Variants in SNRPN observed in about 807,000 individuals in gnomAD.
The protein encoded by SNRPN is small nuclear ribonucleoprotein-associated protein N.
A neutral mutation model predicts 25.2 loss-of-function variants in SNRPN; 7 were observed. The observed-to-expected ratio is 0.28, with a 90% CI of 0.16 to 0.52. SNRPN has a LOEUF of 0.52. SNRPN is among the 20% of genes least tolerant of loss of function. The probability of loss-of-function intolerance (pLI) is 0.96; values close to 1 mark genes in which losing one functional copy is unlikely to be tolerated. For synonymous variants in SNRPN, 124 were observed against 110.6 expected, an observed-to-expected ratio of 1.12 and a Z score of -0.76; for missense variants, 196 against 322.5, an observed-to-expected ratio of 0.61 and a Z score of 3.00.
intron 2 of SNRPN, among the ~76,000 whole-genome samples, chr15:24,835,254 G>T (rs2051062023): frequency 6.6e-6 from 1 of 150,414 alleles, no homozygotes; most frequent in Admixed American, 6.7e-5. Context: ...ATATAGGCAT[G>T]CTGTTTTTCT....
chr15:24,890,627 C>T (rs61999133), intron 2 of SNRPN, among the ~76,000 whole-genome samples: 20,885 of 151,628 alleles, frequency 0.14, 1,881 homozygotes, highest in Non-Finnish European at 0.18. Context: ...TGCAGTGAGC[C>T]GAGATCGCGC....
chr15:24,902,226 TCAGA>T (rs1009412134), intron 2 of SNRPN, among the ~76,000 whole-genome samples: 1 of 152,128 alleles, frequency 6.6e-6, no homozygotes, highest in Non-Finnish European at 1.5e-5. Flanking sequence ...AATTGGGAAT[TCAGA>T]CAAACAGATA....
intron 3 of SNRPN, among the ~76,000 whole-genome samples, chr15:24,941,449 A>T (rs1266389111): frequency 3.3e-5 from 5 of 152,226 alleles, no homozygotes; most frequent in African/African-American, 4.8e-5. Flanking sequence ...CTCAGCAAGC[A>T]CCACGGCTGG....
At chr15:24,956,355 G>C (rs958229212) in intron 1 of SNRPN, among the ~76,000 whole-genome samples, 1 of 66,050 alleles carries the variant, frequency 1.5e-5, no homozygotes, top group African/African-American at 5.6e-5. Flanking sequence ...GCGCTTCAGC[G>C]GGGGGGTGGC....
At chr15:24,931,733 G>C (rs968185639) in intron 3 of SNRPN, among the ~76,000 whole-genome samples, 2 of 150,530 alleles carry the variant, frequency 1.3e-5, no homozygotes, top group Admixed American at 1.3e-4. Flanking sequence ...AGCTACTCAG[G>C]GGGCTGAGGT....
At chr15:24,828,783 T>C (rs938729249) in intron 1 of SNRPN, among the ~76,000 whole-genome samples, 6 of 151,964 alleles carry the variant, frequency 3.9e-5, no homozygotes, top group African/African-American at 1.5e-4. Flanking sequence ...GCCATACTAA[T>C]GTAGCTGAAT....
intron 1 of SNRPN, among the ~76,000 whole-genome samples, chr15:24,875,329 G>C (rs2055747642): frequency 6.6e-6 from 1 of 152,152 alleles, no homozygotes; most frequent in Non-Finnish European, 1.5e-5. Flanking sequence ...CAGAATCTTT[G>C]TTTACATCAA....
At position 24,976,331 on chromosome 15, in the gene SNRPN, G is replaced by A. The variant is rs761495657; in HGVS notation, c.182G>A (p.Arg61His). The A allele has an allele frequency of 5.0e-6, 8 of 1,613,574 alleles. No homozygotes were observed. The highest frequency in any genetic ancestry group is 2.2e-5 in the South Asian group (2 of 90,862). The stretch of plus-strand genomic sequence containing the variant: ...CCAAAGAATGCGAAGCAACCAGAGC[G>A]TGAAGAAAAGCGGGTTTTGGGTCTG... Reference protein sequence around the residue: ...IKPKNAKQPEREEKRVLGLVL... With the variant: ...IKPKNAKQPEHEEKRVLGLVL... The change falls in exon 6 of 10, where the codon CGT becomes CAT. Residue 61 changes from arginine (R) to histidine (H), a missense_variant. Transcript: ENST00000390687.
chr15:24,838,544 G>A (rs1236861443), intron 2 of SNRPN, among the ~76,000 whole-genome samples: 1 of 152,016 alleles, frequency 6.6e-6, no homozygotes, highest in Non-Finnish European at 1.5e-5. Context: ...AATGGATTAC[G>A]AGATTCGTTC....
chr15:24,978,299 C>A lies in SNRPN; in HGVS notation c.666C>A (p.Pro222=), dbSNP rs2077296911. The A allele has an allele frequency of 6.2e-7, 1 of 1,614,108 alleles. No individual in the cohort carries two copies. The highest frequency in any genetic ancestry group is 8.5e-7 in the Non-Finnish European group (1 of 1,179,998). ...PIGMPPPGMR[P]PPPGIRGPPP... ...GCATGCCGCCTCCGGGAATGAGACC[C>A]CCTCCACCAGGCATTAGAGGTGAGT... The change falls in exon 9 of 10, where the codon CCC becomes CCA. Residue 222 remains proline, a synonymous_variant. Coordinates refer to ENST00000390687, the MANE Select transcript of SNRPN (RefSeq NM_003097.6).
intron 1 of SNRPN, among the ~76,000 whole-genome samples, chr15:24,961,248 A>C (rs2074757143): frequency 6.6e-6 from 1 of 152,232 alleles, no homozygotes; most frequent in East Asian, 1.9e-4. Context: ...TTGAAAGAAT[A>C]AAACAGCTGT....
chr15:24,891,060 A>G (rs538091088), intron 2 of SNRPN, among the ~76,000 whole-genome samples: 33 of 152,162 alleles, frequency 2.2e-4, no homozygotes, highest in African/African-American at 6.5e-4. Flanking sequence ...TCAGGCATGC[A>G]CCACCACGCT....
intron 2 of SNRPN, among the ~76,000 whole-genome samples, chr15:24,963,032 A>G (rs1214161492): frequency 6.6e-6 from 1 of 152,122 alleles, no homozygotes; most frequent in Non-Finnish European, 1.5e-5. Context: ...CCCAGAGATA[A>G]TCATTAAGTA....
chr15:24,891,736 C>G (rs1488472867), intron 2 of SNRPN, among the ~76,000 whole-genome samples: 1 of 152,134 alleles, frequency 6.6e-6, no homozygotes, highest in African/African-American at 2.4e-5. Context: ...CCACACCCGG[C>G]AAATTTCTTT....
intron 1 of SNRPN, among the ~76,000 whole-genome samples, chr15:24,873,591 G>GT (rs1309200082): frequency 1.3e-5 from 2 of 151,902 alleles, no homozygotes; most frequent in African/African-American, 4.8e-5. Context: ...GGGACCACAA[G>GT]TGCCCACCAC....
At chr15:24,874,240 G>C (rs1026044762) in intron 1 of SNRPN, among the ~76,000 whole-genome samples, 1 of 148,684 alleles carries the variant, frequency 6.7e-6, no homozygotes. Flanking sequence ...AACCCGGGAG[G>C]TGGAGCTTGC....
chr15:24,930,561 C>G (rs1205190268), intron 3 of SNRPN, among the ~76,000 whole-genome samples: 3 of 107,868 alleles, frequency 2.8e-5, no homozygotes, highest in African/African-American at 9.8e-5. Flanking sequence ...GCCTGGGAAA[C>G]ATAGGGAAAC....
At chr15:24,862,489 A>G (rs2054076452) in intron 1 of SNRPN, among the ~76,000 whole-genome samples, 1 of 151,008 alleles carries the variant, frequency 6.6e-6, no homozygotes, top group Admixed American at 6.6e-5. Flanking sequence ...TGGAGTGTCT[A>G]GGGAAGTAGG....
chr15:24,884,912 T>G (rs2057057142), intron 1 of SNRPN, among the ~76,000 whole-genome samples: 1 of 151,944 alleles, frequency 6.6e-6, no homozygotes, highest in Admixed American at 6.6e-5. Flanking sequence ...AAGAGAGAGT[T>G]TATTGAAAGC....
Sources: gnomAD v4.1 joint callset for allele counts (sites outside exome capture counted in the v4.1 genomes callset) on GRCh38, gnomAD v4.1.1 for gene constraint, MANE v1.5 for transcripts, NCBI Gene and HGNC (gene_info 2026-07-23, HGNC 2026-07-21) for gene names.